Variants in UBR3 observed in about 807,000 individuals in gnomAD.
The protein encoded by UBR3 is E3 ubiquitin-protein ligase UBR3.
Under a neutral mutation model 243.2 loss-of-function variants are expected in UBR3, and 85 were observed. The observed-to-expected ratio is 0.35, with a 90% CI of 0.29 to 0.42. The LOEUF (loss-of-function observed/expected upper bound fraction) is 0.42, where lower values mean the gene tolerates loss of function less well. Ranked by LOEUF, UBR3 falls within the 10% of genes least tolerant of loss-of-function variation. The pLI, the probability that UBR3 is intolerant of heterozygous loss-of-function variation, is 1.00. For missense variants in UBR3, 1,686 were observed against 2,300.8 expected, an observed-to-expected ratio of 0.73 and a Z score of 5.47; for synonymous variants, 748 against 799.8, an observed-to-expected ratio of 0.94 and a Z score of 1.09.
intron 38 of UBR3, 126 bp from the exon 39 acceptor site, chr2:170,081,600 G>C (rs2091908219): frequency 3.7e-6 from 2 of 537,324 alleles, no homozygotes; most frequent in Non-Finnish European, 6.4e-6. Context: ...TGAGACAGGA[G>C]AATTGCTTGA....
intron 8 of UBR3, among the ~76,000 whole-genome samples, chr2:169,901,634 A>G (rs2084826854): frequency 6.6e-6 from 1 of 152,212 alleles, no homozygotes; most frequent in African/African-American, 2.4e-5. Context: ...AATTTTATCT[A>G]TACTTTTAAT....
intron 33 of UBR3, 97 bp downstream of exon 33, chr2:170,055,681 T>C (rs1026479196): frequency 1.1e-5 from 16 of 1,450,972 alleles, no homozygotes; most frequent in African/African-American, 1.0e-4. Flanking sequence ...AAATGAGTTA[T>C]TGGTATTTTA....
chr2:170,079,724 TTTTC>T, intron 36 of UBR3, 86 bp from the exon 37 acceptor site: 1 of 1,212,790 alleles, frequency 8.2e-7, no homozygotes, highest in Non-Finnish European at 1.1e-6. Context: ...GGAGGCAGAT[TTTTC>T]TTTCTGTAAA....
At chr2:169,841,179 C>G (rs1012925984) in intron 1 of UBR3, among the ~76,000 whole-genome samples, 1 of 152,122 alleles carries the variant, frequency 6.6e-6, no homozygotes, top group African/African-American at 2.4e-5. Context: ...TCTTTACATT[C>G]TATGTCTTTT....
chr2:169,995,184 G>A (rs1014250904), intron 26 of UBR3, among the ~76,000 whole-genome samples: 2 of 152,034 alleles, frequency 1.3e-5, no homozygotes, highest in African/African-American at 2.4e-5. Context: ...TGGTATGAAA[G>A]GGCTCAGTGA....
chr2:170,047,952 CT>C (rs560682300), intron 32 of UBR3, among the ~76,000 whole-genome samples: 126 of 152,252 alleles, frequency 8.3e-4, no homozygotes, highest in African/African-American at 2.8e-3. Flanking sequence ...TCTTATTTTA[CT>C]TAATAATGGC....
At chr2:169,837,334 G>A (rs2082142494) in intron 1 of UBR3, among the ~76,000 whole-genome samples, 2 of 152,164 alleles carry the variant, frequency 1.3e-5, no homozygotes, top group Middle Eastern at 3.2e-3. Context: ...AAATTAGCCG[G>A]GTGTGGTGGC....
chr2:170,064,803 A>ATTTTTTTTTTT, intron 35 of UBR3, among the ~76,000 whole-genome samples: 17 of 87,864 alleles, frequency 1.9e-4, no homozygotes, highest in Admixed American at 3.8e-4. Flanking sequence ...TGCTTTTTCT[A>ATTTTTTTTTTT]TTTTTTTTTT....
chr2:170,065,698 T>C (rs2091550136), intron 35 of UBR3, among the ~76,000 whole-genome samples: 1 of 152,198 alleles, frequency 6.6e-6, no homozygotes, highest in Non-Finnish European at 1.5e-5. Flanking sequence ...ATTATCTGAT[T>C]AATTTTTACT....
chr2:170,019,043 G>A (rs1189223233), intron 30 of UBR3, among the ~76,000 whole-genome samples: 2 of 152,102 alleles, frequency 1.3e-5, no homozygotes, highest in South Asian at 2.1e-4. Flanking sequence ...GTAGGTAAAC[G>A]TCTCTTCCTG....
intron 32 of UBR3, among the ~76,000 whole-genome samples, chr2:170,044,634 A>G (rs1159301325): frequency 1.3e-5 from 2 of 152,210 alleles, no homozygotes; most frequent in African/African-American, 2.4e-5. Context: ...TTGGCTATAT[A>G]ATATAAAGAA....
intron 1 of UBR3, among the ~76,000 whole-genome samples, chr2:169,849,171 C>A (rs1233620477): frequency 6.6e-6 from 1 of 152,182 alleles, no homozygotes; most frequent in African/African-American, 2.4e-5. Context: ...CAGCGTGGGG[C>A]CCTAGCTGTT....
intron 30 of UBR3, among the ~76,000 whole-genome samples, chr2:170,020,576 C>T (rs1341342936): frequency 6.6e-6 from 1 of 152,170 alleles, no homozygotes; most frequent in Non-Finnish European, 1.5e-5. Flanking sequence ...TGGTTGTTAA[C>T]TGTTACATGC....
intron 24 of UBR3, among the ~76,000 whole-genome samples, chr2:169,970,288 T>A (rs2088059369): frequency 6.6e-6 from 1 of 151,300 alleles, no homozygotes; most frequent in South Asian, 2.1e-4. Context: ...TGATTTCTTT[T>A]TCTGCTAGTT....
intron 19 of UBR3, among the ~76,000 whole-genome samples, chr2:169,935,715 G>T (rs142280832): frequency 6.6e-6 from 1 of 152,092 alleles, no homozygotes; most frequent in African/African-American, 2.4e-5. Flanking sequence ...CAATAATTAC[G>T]TGTTGGTTTG....
chr2:170,025,320 T>A (rs11894628), intron 30 of UBR3, among the ~76,000 whole-genome samples: 66,081 of 151,744 alleles, frequency 0.44, 15,478 homozygotes, highest in Non-Finnish European at 0.54. Flanking sequence ...ATGCATAAAG[T>A]AAGGGGATAA....
intron 24 of UBR3, among the ~76,000 whole-genome samples, chr2:169,971,207 G>T (rs13004556): frequency 0.43 from 62,432 of 145,844 alleles, 14,703 homozygotes; most frequent in Non-Finnish European, 0.54. Flanking sequence ...TTGAGTTCAT[G>T]GTAGATTATG....
chr2:170,058,523 CTT>C (rs35381644), intron 33 of UBR3, among the ~76,000 whole-genome samples: 39 of 135,896 alleles, frequency 2.9e-4, no homozygotes, highest in Admixed American at 3.7e-4. Flanking sequence ...TCTTTTCTTC[CTT>C]TTTTTTTTTT....
intron 19 of UBR3, among the ~76,000 whole-genome samples, chr2:169,941,960 T>C (rs2086608132): frequency 1.3e-5 from 2 of 152,224 alleles, no homozygotes; most frequent in South Asian, 2.1e-4. Context: ...CTGAGCCTTG[T>C]GTGAGCCCAA....
Sources: allele counts gnomAD v4.1 joint callset (sites outside exome capture counted in the v4.1 genomes callset), GRCh38; gene constraint gnomAD v4.1.1; transcripts MANE v1.5; gene names NCBI Gene and HGNC (gene_info 2026-07-23, HGNC 2026-07-21).